The following ARMH3 variants were observed in gnomAD, a reference collection of about 807,000 sequenced individuals.
The protein encoded by ARMH3 is armadillo like helical domain containing 3, also known as armadillo-like helical domain-containing protein 3.
Under a neutral mutation model 99.1 loss-of-function variants are expected in ARMH3, and 60 were observed. The ratio of observed to expected loss-of-function variants is 0.61; its 90% CI spans 0.49 to 0.75. The LOEUF (loss-of-function observed/expected upper bound fraction) is 0.75. ARMH3 is among the 30% of genes least tolerant of loss of function. The pLI is 0.00. For missense variants in ARMH3, 679 were observed against 843.1 expected (o/e 0.81, Z 2.41); for synonymous variants, 285 against 292.8 (o/e 0.97, Z 0.27).
intron 23 of ARMH3, among the ~76,000 whole-genome samples, chr10:101,897,624 G>A (rs1401035482): frequency 1.3e-5 from 2 of 152,144 alleles, no homozygotes; most frequent in Non-Finnish European, 2.9e-5. Context: ...AGGATGAGGT[G>A]AGGTGTGGGG....
At chr10:102,039,036 C>T (rs189982287) in intron 2 of ARMH3, among the ~76,000 whole-genome samples, 6 of 152,262 alleles carry the variant, frequency 3.9e-5, no homozygotes, top group African/African-American at 1.4e-4. Flanking sequence ...CCACTACACC[C>T]AGCCAGTAAT....
At chr10:101,907,639 C>T (rs1489114238) in intron 23 of ARMH3, among the ~76,000 whole-genome samples, 4 of 152,196 alleles carry the variant, frequency 2.6e-5, no homozygotes, top group African/African-American at 9.7e-5. Flanking sequence ...CCGCCTCAGC[C>T]TCCCAAAGTG....
At position 101,995,345 on chromosome 10, in the gene ARMH3, C is replaced by T; in HGVS notation, c.1161G>A (p.Arg387=). 1 of 1,613,738 alleles carries T rather than the reference C, an allele frequency of 6.2e-7. No individual in the cohort carries two copies. The change falls in exon 16 of 26, where the codon AGG becomes AGA. Residue 387 remains arginine, a synonymous_variant. Coordinates refer to ENST00000370033, the MANE Select transcript of ARMH3 (RefSeq NM_024541.3). ...IVMQDTKDEH[R]LHSGKLCLII... ...TCAGACAGAGTTTGCCACTGTGAAG[C>T]CTGTGTTCATCTGTAAAGAAAAAAG...
chr10:101,904,308 C>T (rs948942555), intron 23 of ARMH3, among the ~76,000 whole-genome samples: 1 of 152,196 alleles, frequency 6.6e-6, no homozygotes, highest in African/African-American at 2.4e-5. Flanking sequence ...AACACCTACA[C>T]CAGTGGCATG....
intron 13 of ARMH3, among the ~76,000 whole-genome samples, chr10:102,008,382 T>C (rs187815889): frequency 8.4e-4 from 128 of 152,260 alleles, no homozygotes; most frequent in African/African-American, 3.0e-3. Flanking sequence ...AATAACACTT[T>C]ATCAATTTTT....
chr10:101,858,342 G>C (rs1202756744), intron 24 of ARMH3, among the ~76,000 whole-genome samples: 1 of 152,066 alleles, frequency 6.6e-6, no homozygotes, highest in Non-Finnish European at 1.5e-5. Context: ...GATGGAGCTG[G>C]GTAAGCCTGT....
intron 20 of ARMH3, among the ~76,000 whole-genome samples, chr10:101,957,944 T>C (rs930168557): frequency 6.6e-6 from 1 of 152,202 alleles, no homozygotes; most frequent in East Asian, 1.9e-4. Flanking sequence ...ATGGAAGGTT[T>C]TGAAATAGCT....
At chr10:102,034,267 T>C (rs1230000106) in intron 2 of ARMH3, among the ~76,000 whole-genome samples, 1 of 152,144 alleles carries the variant, frequency 6.6e-6, no homozygotes, top group Non-Finnish European at 1.5e-5. Flanking sequence ...CATGCTAAAA[T>C]CCAAAATTTC....
At position 101,847,468 on chromosome 10, in the gene ARMH3, C is replaced by T. The variant is rs889879298; in HGVS notation, c.*60G>A. On this transcript the variant is annotated 3_prime_UTR_variant, in exon 26 of 26. Transcript: ENST00000370033. ...GGCAGCCCCCTCTCCCCTCGCTCCCCCTCCAGCCCATGATCCTCATGGGTA... is the reference window on the plus strand; with the variant it reads ...GGCAGCCCCCTCTCCCCTCGCTCCCTCTCCAGCCCATGATCCTCATGGGTA... The T allele has an allele frequency of 3.9e-6, 6 of 1,547,032 alleles. No individual in the cohort carries two copies. The Admixed American group carries it at 1.0e-4, about 26-fold the overall frequency.
At chr10:101,910,467 T>A (rs561057311) in intron 23 of ARMH3, among the ~76,000 whole-genome samples, 2 of 152,308 alleles carry the variant, frequency 1.3e-5, no homozygotes, top group South Asian at 4.1e-4. Context: ...CAGTGGCTTA[T>A]GCCTGTAATC....
intron 22 of ARMH3, among the ~76,000 whole-genome samples, chr10:101,953,564 T>C (rs1238918167): frequency 6.8e-6 from 1 of 148,006 alleles, no homozygotes; most frequent in Non-Finnish European, 1.5e-5. Flanking sequence ...TTTTTTTTAA[T>C]GAGCAAAAGA....
intron 22 of ARMH3, among the ~76,000 whole-genome samples, chr10:101,955,821 T>C (rs1396322550): frequency 6.6e-6 from 1 of 152,232 alleles, no homozygotes; most frequent in East Asian, 1.9e-4. Context: ...ATATGGTTAT[T>C]ATCCTGATGA....
At chr10:101,917,838 T>C (rs2135582368) in intron 23 of ARMH3, among the ~76,000 whole-genome samples, 1 of 152,304 alleles carries the variant, frequency 6.6e-6, no homozygotes, top group Admixed American at 6.5e-5. Flanking sequence ...AGTTCATTAA[T>C]ACAAATGCTA....
intron 1 of ARMH3, among the ~76,000 whole-genome samples, chr10:102,047,860 T>C (rs989101443): frequency 5.9e-5 from 9 of 152,130 alleles, no homozygotes; most frequent in Non-Finnish European, 1.2e-4. Context: ...CCAGGGGACA[T>C]TTGTCAATGT....
intron 20 of ARMH3, among the ~76,000 whole-genome samples, chr10:101,964,373 G>T (rs909914874): frequency 6.6e-6 from 1 of 151,988 alleles, no homozygotes; most frequent in Non-Finnish European, 1.5e-5. Flanking sequence ...ATAATTAAAC[G>T]CACACAATCT....
intron 24 of ARMH3, among the ~76,000 whole-genome samples, chr10:101,855,587 C>G (rs983601169): frequency 3.3e-5 from 5 of 150,702 alleles, no homozygotes; most frequent in African/African-American, 1.2e-4. Flanking sequence ...ACTCTGTCAC[C>G]CAGGGTGGGG....
chr10:101,943,469 C>T (rs1844333550), intron 22 of ARMH3, among the ~76,000 whole-genome samples: 1 of 152,192 alleles, frequency 6.6e-6, no homozygotes, highest in African/African-American at 2.4e-5. Flanking sequence ...TGCTCTTGAT[C>T]TACCCTCAAC....
chr10:101,872,623 G>T (rs1284115686), intron 24 of ARMH3, among the ~76,000 whole-genome samples: 1 of 152,044 alleles, frequency 6.6e-6, no homozygotes, highest in Non-Finnish European at 1.5e-5. Context: ...ACTTGAACTT[G>T]CTCTAGTCAT....
chr10:101,918,157 G>A (rs371000883), intron 23 of ARMH3, among the ~76,000 whole-genome samples: 13 of 152,054 alleles, frequency 8.5e-5, no homozygotes, highest in African/African-American at 2.9e-4. Context: ...GGCTTCAGGC[G>A]ATTCTCCTGC....
Sources: allele counts gnomAD v4.1 joint callset (sites outside exome capture counted in the v4.1 genomes callset), GRCh38; gene constraint gnomAD v4.1.1; transcripts MANE v1.5; gene names NCBI Gene and HGNC (gene_info 2026-07-23, HGNC 2026-07-21).